Variants in KIF6 observed in about 807,000 individuals in gnomAD.
KIF6 encodes kinesin-like protein KIF6.
Under a neutral mutation model 112.7 loss-of-function variants are expected in KIF6, and 106 were observed. That is an observed-to-expected ratio of 0.94 (90% CI 0.80 to 1.11). KIF6 has a LOEUF of 1.11. KIF6 is among the 50% of genes least tolerant of loss of function. KIF6 has a pLI of 0.00. For missense variants in KIF6, 929 were observed against 964.0 expected (o/e 0.96, Z 0.48); for synonymous variants, 339 against 339.9 (o/e 1.00, Z 0.03).
In KIF6 at chr6:39,634,829, T is replaced by C. The variant is rs2150758359; in HGVS notation, c.509+20A>G. The C allele has an allele frequency of 7.3e-7, 1 of 1,377,394 alleles. No homozygotes were observed. The highest frequency in any genetic ancestry group is 1.0e-6 in the Non-Finnish European group (1 of 964,674). 85.3% of individuals were successfully genotyped at this position (1,377,394 alleles called of 1,614,324 possible). A position where few individuals can be genotyped will look rare whatever the true frequency, so the allele number is the denominator to read the frequency against. ...ATCTGAAAGTAATTTCCCTCCATTCTTTGTTGTTCTGCTACTCACGGCAAA... is the reference window on the plus strand; with the variant it reads ...ATCTGAAAGTAATTTCCCTCCATTCCTTGTTGTTCTGCTACTCACGGCAAA... On this transcript the variant is annotated intron_variant, in intron 5 of 22. Coordinates refer to ENST00000287152, the MANE Select transcript of KIF6 (RefSeq NM_145027.6).
intron 15 of KIF6, among the ~76,000 whole-genome samples, chr6:39,397,696 T>C (rs887072268): frequency 6.6e-6 from 1 of 152,028 alleles, no homozygotes; most frequent in African/African-American, 2.4e-5. Flanking sequence ...GCAGACAACA[T>C]AACCAAATGA....
At chr6:39,645,883 C>T (rs922276197) in intron 3 of KIF6, among the ~76,000 whole-genome samples, 2 of 151,926 alleles carry the variant, frequency 1.3e-5, no homozygotes, top group Admixed American at 6.6e-5. Flanking sequence ...AAAAACCAAA[C>T]ACCACATGTC....
chr6:39,703,930 C>A (rs557515026), intron 3 of KIF6, among the ~76,000 whole-genome samples: 2 of 152,196 alleles, frequency 1.3e-5, no homozygotes, highest in Non-Finnish European at 2.9e-5. Context: ...CTATATCTCT[C>A]TTTTGGAGGC....
chr6:39,338,116 G>A (rs1313255586), intron 22 of KIF6, among the ~76,000 whole-genome samples: 1 of 152,212 alleles, frequency 6.6e-6, no homozygotes, highest in African/African-American at 2.4e-5. Flanking sequence ...GGCTAATTTA[G>A]TAAGAGCAAG....
intron 5 of KIF6, among the ~76,000 whole-genome samples, chr6:39,629,326 G>C (rs545273082): frequency 6.6e-6 from 1 of 151,990 alleles, no homozygotes; most frequent in Non-Finnish European, 1.5e-5. Context: ...CCACATCCTT[G>C]CCAGCATTTG....
intron 6 of KIF6, among the ~76,000 whole-genome samples, chr6:39,603,035 A>T (rs78480415): frequency 0.017 from 2,425 of 145,826 alleles, 72 homozygotes; most frequent in African/African-American, 0.056. Flanking sequence ...AAATGTTCAT[A>T]AAAAAATCCA....
intron 10 of KIF6, among the ~76,000 whole-genome samples, chr6:39,549,328 A>T (rs1330322395): frequency 6.6e-6 from 1 of 152,186 alleles, no homozygotes; most frequent in Admixed American, 6.5e-5. Flanking sequence ...AATGACAGCC[A>T]ACATTGAGCA....
chr6:39,500,628 A>G (rs944408173), intron 13 of KIF6, among the ~76,000 whole-genome samples: 1 of 152,204 alleles, frequency 6.6e-6, no homozygotes, highest in Non-Finnish European at 1.5e-5. Context: ...CAAAATGAGG[A>G]CAACAATGTT....
rs542757572 is a variant in KIF6, at chr6:39,500,443, A to G, written c.1645+39560T>C. Among the ~76,000 whole-genome samples the G allele has an allele frequency of 7.9e-5, 12 of 152,326 alleles. 1 individual carries two copies. The East Asian group carries it at 2.3e-3, about 29-fold the overall frequency. ...CTTTCCCACTTAGACAACTGCAGAT[A>G]TCACTCATTGAGGTAGAAAATATAG... On this transcript the variant is annotated intron_variant, in intron 13 of 22. Coordinates refer to ENST00000287152, the MANE Select transcript of KIF6 (RefSeq NM_145027.6).
intron 16 of KIF6, among the ~76,000 whole-genome samples, chr6:39,382,463 T>G (rs769669750): frequency 2.8e-4 from 43 of 152,244 alleles, no homozygotes; most frequent in Non-Finnish European, 5.4e-4. Context: ...GATAATGGCC[T>G]GCAGCTGTAT....
chr6:39,371,326 TC>T (rs766877093), intron 16 of KIF6, among the ~76,000 whole-genome samples: 72 of 152,284 alleles, frequency 4.7e-4, no homozygotes, highest in Non-Finnish European at 6.3e-4. Context: ...TATTCCTAGC[TC>T]ATTGACTTCT....
At chr6:39,673,731 G>A (rs1404821446) in intron 3 of KIF6, among the ~76,000 whole-genome samples, 1 of 152,186 alleles carries the variant, frequency 6.6e-6, no homozygotes, top group Admixed American at 6.5e-5. Flanking sequence ...GCTTCAAAGA[G>A]GAAATATTGA....
chr6:39,480,481 C>A (rs993837327), intron 13 of KIF6, among the ~76,000 whole-genome samples: 2 of 151,770 alleles, frequency 1.3e-5, no homozygotes, highest in Admixed American at 6.6e-5. Context: ...AGTTTTGCAT[C>A]TATGTCCATC....
At chr6:39,671,396 GATAATA>G (rs1477366107) in intron 3 of KIF6, among the ~76,000 whole-genome samples, 2 of 152,208 alleles carry the variant, frequency 1.3e-5, no homozygotes, top group Non-Finnish European at 2.9e-5. Flanking sequence ...AGACTCTAGT[GATAATA>G]ATATCCAACA....
chr6:39,540,001 A>G lies in KIF6; in HGVS notation c.1645+2T>C. The stretch of plus-strand genomic sequence containing the variant: ...GAAATACTGGAAATTTAGTCAACTG[A>G]CCTATTTTCTTGTGGAGCAAACTGG... On this transcript the variant is annotated splice_donor_variant, in intron 13 of 22. Coordinates refer to ENST00000287152, the MANE Select transcript of KIF6 (RefSeq NM_145027.6). LOFTEE classifies it high-confidence loss of function. 1 of 1,592,528 alleles carries G rather than the reference A, an allele frequency of 6.3e-7. No homozygotes were observed. The highest frequency in any genetic ancestry group is 8.5e-7 in the Non-Finnish European group (1 of 1,170,774).
chr6:39,635,878 T>C (rs965586891), intron 4 of KIF6, among the ~76,000 whole-genome samples: 1 of 152,116 alleles, frequency 6.6e-6, no homozygotes, highest in Non-Finnish European at 1.5e-5. Context: ...ATTATCATGC[T>C]TCTCATAAGA....
rs539837370 is a variant in KIF6, at chr6:39,568,910, C to T, written c.1181+9146G>A. On this transcript the variant is annotated intron_variant, in intron 10 of 22. Transcript: ENST00000287152. ...GGACAGAGTTCAGTCATGTTTCAAA[C>T]AATCTTCAATAGATGGTTTAGACTC... Among the ~76,000 whole-genome samples, 5 of 152,256 alleles carry T rather than the reference C, an allele frequency of 3.3e-5. No individual in the cohort carries two copies. In the South Asian group the frequency reaches 1.0e-3, roughly 32 times the overall value.
chr6:39,381,835 G>C (rs533107811), intron 16 of KIF6, among the ~76,000 whole-genome samples: 1 of 152,206 alleles, frequency 6.6e-6, no homozygotes, highest in Non-Finnish European at 1.5e-5. Flanking sequence ...TCCAGCCAAA[G>C]TGCTTTCTGT....
chr6:39,687,330 A>G (rs1286523151), intron 3 of KIF6, among the ~76,000 whole-genome samples: 2 of 152,238 alleles, frequency 1.3e-5, no homozygotes, highest in Non-Finnish European at 2.9e-5. Flanking sequence ...ATTCTGAAAA[A>G]TGAATACTAA....
Sources: gnomAD v4.1 joint callset for allele counts (sites outside exome capture counted in the v4.1 genomes callset) on GRCh38, gnomAD v4.1.1 for gene constraint, MANE v1.5 for transcripts, NCBI Gene and HGNC (gene_info 2026-07-23, HGNC 2026-07-21) for gene names.